Variants in SF3A3 observed in about 807,000 individuals in gnomAD.
SF3A3 encodes the protein splicing factor 3a subunit 3.
Under a neutral mutation model 85.8 loss-of-function variants are expected in SF3A3, and 9 were observed. The observed-to-expected ratio is 0.10, with a 90% confidence interval of 0.06 to 0.18. SF3A3 has a LOEUF of 0.18. Ranked by LOEUF, SF3A3 falls within the 10% of genes least tolerant of loss-of-function variation. SF3A3 has a pLI of 1.00. For missense variants in SF3A3, 306 were observed against 593.3 expected (o/e 0.52, Z 5.03); for synonymous variants, 195 against 204.4 (o/e 0.95, Z 0.39).
intron 6 of SF3A3, among the ~76,000 whole-genome samples, chr1:37,983,016 G>A (rs111889614): frequency 0.013 from 2,033 of 151,420 alleles, 59 homozygotes; most frequent in African/African-American, 0.047. Flanking sequence ...TCGGCTTACC[G>A]CGACCTCCGC....
intron 12 of SF3A3, among the ~76,000 whole-genome samples, chr1:37,975,650 A>C (rs1260718752): frequency 6.6e-6 from 1 of 152,214 alleles, no homozygotes; most frequent in Non-Finnish European, 1.5e-5. Flanking sequence ...CGGAGAATAT[A>C]TCTCTCCAAT....
At chr1:37,978,336 C>CAAAAAAAAAAAAAAAA (rs370121360) in intron 11 of SF3A3, among the ~76,000 whole-genome samples, 1 of 75,054 alleles carries the variant, frequency 1.3e-5, no homozygotes. Flanking sequence ...GAGACTGTCT[C>CAAAAAAAAAAAAAAAA]AAAAAAAAAA....
chr1:37,988,892 TATA>T (rs1646474101), intron 2 of SF3A3, among the ~76,000 whole-genome samples: 5 of 148,784 alleles, frequency 3.4e-5, no homozygotes, highest in African/African-American at 1.2e-4. Flanking sequence ...TATATATATA[TATA>T]TTTTTTTTTT....
intron 12 of SF3A3, among the ~76,000 whole-genome samples, chr1:37,970,305 A>C (rs1355727974): frequency 1.3e-5 from 1 of 79,078 alleles, no homozygotes; most frequent in Non-Finnish European, 2.2e-5. Flanking sequence ...ACTCCTTCTC[A>C]AAAAAAAAAA....
At position 37,964,090 on chromosome 1, in the gene SF3A3, A is replaced by T. The variant is rs933160683; in HGVS notation, c.1373-3915T>A. Among the ~76,000 whole-genome samples the T allele has an allele frequency of 2.6e-5, 4 of 151,872 alleles. 1 individual carries two copies. Among genetic ancestry groups the T allele is most frequent in the African/African-American group, 9.7e-5 (4 of 41,386 alleles). On this transcript the variant is annotated intron_variant, in intron 15 of 16. Coordinates refer to ENST00000373019, the MANE Select transcript of SF3A3 (RefSeq NM_006802.4). Reference sequence around the variant, plus strand: ...GCTACTTGGGAGGCTGAGACAGAAGAATCGCTTTAACCCGGGAGGTGGAGG... The same window carrying T: ...GCTACTTGGGAGGCTGAGACAGAAGTATCGCTTTAACCCGGGAGGTGGAGG...
chr1:37,967,939 C>CATATGT, intron 15 of SF3A3, 105 bp downstream of exon 15: 1 of 717,426 alleles, frequency 1.4e-6, no homozygotes, highest in East Asian at 2.5e-5. Context: ...TACATATCCA[C>CATATGT]AACCTACTGC....
At chr1:37,988,502 C>T (rs1358035187) in intron 2 of SF3A3, among the ~76,000 whole-genome samples, 1 of 152,118 alleles carries the variant, frequency 6.6e-6, no homozygotes, top group Non-Finnish European at 1.5e-5. Context: ...CAGGTTCGGG[C>T]CAGGTTTTAC....
chr1:37,958,692 G>A (rs969291512), intron 16 of SF3A3, among the ~76,000 whole-genome samples: 8 of 152,208 alleles, frequency 5.3e-5, no homozygotes, highest in Non-Finnish European at 2.9e-5. Flanking sequence ...GCTTCCCCAT[G>A]TCCAGGGCAA....
intron 15 of SF3A3, among the ~76,000 whole-genome samples, chr1:37,966,935 CAAAA>C (rs11394683): frequency 7.1e-5 from 1 of 14,170 alleles, no homozygotes; most frequent in South Asian, 5.2e-3. Flanking sequence ...AACTCCATCT[CAAAA>C]AAAAAAAAAA....
intron 8 of SF3A3, 100 bp downstream of exon 8, chr1:37,980,486 G>T: frequency 7.9e-7 from 1 of 1,263,586 alleles, no homozygotes; most frequent in South Asian, 1.5e-5. Context: ...TGATACCAAG[G>T]AATTGATACC....
At chr1:37,963,848 G>A (rs1360512729) in intron 15 of SF3A3, among the ~76,000 whole-genome samples, 4 of 128,262 alleles carry the variant, frequency 3.1e-5, no homozygotes, top group Non-Finnish European at 6.3e-5. Context: ...GAGCCATTGC[G>A]CCTGGCCCTG....
At chr1:37,975,719 G>C (rs559855068) in intron 12 of SF3A3, among the ~76,000 whole-genome samples, 1 of 152,174 alleles carries the variant, frequency 6.6e-6, no homozygotes, top group African/African-American at 2.4e-5. Context: ...CAGGTGACTA[G>C]TTCTACAGCT....
In SF3A3 at chr1:37,978,765, T is replaced by G. The variant is rs905201858; in HGVS notation, c.890A>C (p.Asp297Ala). 4 of 1,570,618 alleles carry G rather than the reference T, an allele frequency of 2.5e-6. No homozygotes were observed. The African/African-American group carries it at 5.4e-5, about 21-fold the overall frequency. ...GGGATTTTTGGCAAACAAAGAGGTA[T>G]CAAGTGACTCCAGGGACTTTCCTTT... ...STKGKSLESLDTSLFAKNPKS... is the reference protein window; with the variant it reads ...STKGKSLESLATSLFAKNPKS... Residue 297 changes from aspartate (D) to alanine (A), a missense_variant, in exon 11 of 17, where the codon GAT (aspartate) becomes GCT (alanine). Asp to Ala is a moderately radical substitution (Grantham distance 126). Transcript: ENST00000373019.
At chr1:37,963,804 C>T (rs142438542) in intron 15 of SF3A3, among the ~76,000 whole-genome samples, 4,733 of 147,960 alleles carry the variant, frequency 0.032, 248 homozygotes, top group African/African-American at 0.11. Flanking sequence ...TATCTGCCCG[C>T]CTCAGCCTCC....
At chr1:37,987,523 T>C (rs1332519210) in intron 4 of SF3A3, 50 bp downstream of exon 4, 2 of 1,297,086 alleles carry the variant, frequency 1.5e-6, no homozygotes, top group East Asian at 2.3e-5. Context: ...ACCTTTCCTT[T>C]AGTATGCTTT....
At chr1:37,958,541 A>C (rs1646235489) in intron 16 of SF3A3, among the ~76,000 whole-genome samples, 1 of 152,214 alleles carries the variant, frequency 6.6e-6, no homozygotes, top group African/African-American at 2.4e-5. Context: ...AAAATAGTTT[A>C]TTTAGCTCTC....
chr1:37,966,621 C>T (rs529166327), intron 15 of SF3A3, among the ~76,000 whole-genome samples: 5 of 152,100 alleles, frequency 3.3e-5, no homozygotes, highest in East Asian at 1.9e-4. Flanking sequence ...TCAGTATTGC[C>T]GACTAATTCA....
At chr1:37,978,606 C>T in intron 11 of SF3A3, 114 bp downstream of exon 11, 1 of 647,772 alleles carries the variant, frequency 1.5e-6, no homozygotes, top group Non-Finnish European at 2.7e-6. Flanking sequence ...GACTGGATCT[C>T]TGTCAACCAA....
intron 6 of SF3A3, 118 bp downstream of exon 6, chr1:37,984,051 A>G (rs972468710): frequency 9.2e-6 from 5 of 541,282 alleles, no homozygotes; most frequent in African/African-American, 5.7e-5. Flanking sequence ...TAATATTTAC[A>G]TAAGAGTTTT....
Sources: gnomAD v4.1 joint callset for allele counts (sites outside exome capture counted in the v4.1 genomes callset) on GRCh38, gnomAD v4.1.1 for gene constraint, MANE v1.5 for transcripts, NCBI Gene and HGNC (gene_info 2026-07-23, HGNC 2026-07-21) for gene names.